Variants in GAA observed in about 807,000 individuals in gnomAD.
GAA encodes lysosomal alpha-glucosidase.
GAA carries 88 observed loss-of-function variants against 103.9 expected under a neutral mutation model. That is an observed-to-expected ratio of 0.85 (90% CI 0.71 to 1.01). GAA has a LOEUF of 1.01. GAA is among the 50% of genes least tolerant of loss of function. The probability of loss-of-function intolerance (pLI) is 0.00; values close to 1 mark genes in which losing one functional copy is unlikely to be tolerated. For synonymous variants in GAA, 572 were observed against 563.1 expected (o/e 1.02, Z -0.22); for missense variants, 1,350 against 1,305.3 (o/e 1.03, Z -0.53).
At position 80,107,658 on chromosome 17, in the gene GAA, G is replaced by A. The variant is rs772002851; in HGVS notation, c.794G>A (p.Ser265Asn). 2.4e-5 allele frequency: 38 copies of A among 1,612,974 alleles called. No homozygotes were observed. In the South Asian group the frequency reaches 3.8e-4, roughly 16 times the overall value. ...ATCACAGGCCTCGCCGAGCACCTCA[G>A]TCCCCTGATGCTCAGCACCAGCTGG... ...QYITGLAEHLSPLMLSTSWTR... is the reference protein window; with the variant it reads ...QYITGLAEHLNPLMLSTSWTR... Residue 265 changes from serine (S) to asparagine (N), a missense_variant, in exon 4 of 20, where the codon AGT (serine) becomes AAT (asparagine). Ser to Asn is a conservative substitution (Grantham distance 46). Transcript: ENST00000302262.
rs1800301 is a variant in GAA at position 80,105,844 on chromosome 17, C to T, written c.642C>T (p.Ser214=). 0.2 allele frequency: 325,017 copies of T among 1,608,148 alleles called. 35,416 individuals are homozygous for T. The highest frequency in any genetic ancestry group is 0.3 in the Middle Eastern group (1,787 of 5,898). Residue 214 remains serine (S), a synonymous_variant, in exon 3 of 20, where the codon TCC becomes TCT. Transcript: ENST00000302262. ...APSPLYSVEF[S]EEPFGVIVRR... is the part of the protein sequence containing the mutation. The stretch of plus-strand genomic sequence containing the variant: ...CCCCACTCTACAGCGTGGAGTTCTC[C>T]GAGGAGCCCTTCGGGGTGATCGTGC...
chr17:80,105,815 C>T lies in GAA; in HGVS notation c.613C>T (p.Pro205Ser). 2 of 1,610,806 alleles carry T rather than the reference C, an allele frequency of 1.2e-6. No individual in the cohort carries two copies. Among genetic ancestry groups the T allele is most frequent in the South Asian group, 2.2e-5 (2 of 91,082 alleles). Reference sequence around the variant, plus strand: ...GACCCCGCATGTCCACAGCCGGGCACCGTCCCCACTCTACAGCGTGGAGTT... The same window carrying T: ...GACCCCGCATGTCCACAGCCGGGCATCGTCCCCACTCTACAGCGTGGAGTT... Reference protein sequence around the residue: ...LETPHVHSRAPSPLYSVEFSE... With the variant: ...LETPHVHSRASSPLYSVEFSE... Residue 205 changes from proline to serine, a missense_variant, in exon 3 of 20, where the codon CCG (proline) becomes TCG (serine). Pro to Ser is a moderately conservative substitution (Grantham distance 74, BLOSUM62 -1). Coordinates refer to ENST00000302262, the MANE Select transcript of GAA (RefSeq NM_000152.5).
At chr17:80,106,742 A>AC (rs1231279023) in intron 3 of GAA, among the ~76,000 whole-genome samples, 1 of 152,040 alleles carries the variant, frequency 6.6e-6, no homozygotes, top group Non-Finnish European at 1.5e-5. Flanking sequence ...ACATAGCAAG[A>AC]CCCCATCTCT....
intron 12 of GAA, chr17:80,112,347 G>A: frequency 1.5e-6 from 1 of 646,050 alleles, no homozygotes; most frequent in Non-Finnish European, 2.7e-6. Context: ...GCATCAGCGG[G>A]GACCTCATGA....
chr17:80,119,550 G>C lies in GAA; in HGVS notation c.*219G>C, dbSNP rs1216535924. ...GAGCTTTCTCCCTAGATCGCACTGT[G>C]GGCCGGGGCCCTGGAGGGCTGCTCT... On this transcript the variant is annotated 3_prime_UTR_variant, in exon 20 of 20. Coordinates refer to ENST00000302262, the MANE Select transcript of GAA (RefSeq NM_000152.5). 1.0e-5 allele frequency: 6 copies of C among 583,862 alleles called. No homozygotes were observed. In the Admixed American group the frequency reaches 1.6e-4, roughly 15 times the overall value. 36.2% of individuals were successfully genotyped at this position (583,862 alleles called of 1,614,324 possible).
In GAA at chr17:80,108,334, G is replaced by T. The variant is rs886042960; in HGVS notation, c.1000G>T (p.Gly334Cys). The stretch of plus-strand genomic sequence containing the variant: ...CCCTGCCCTTAGCTGGAGGTCGACA[G>T]GTGGGATCCTGGATGTCTACATCTT... ...PSPALSWRSTGGILDVYIFLG... is the reference protein window; with the variant it reads ...PSPALSWRSTCGILDVYIFLG... The change falls in exon 6 of 20, where the codon GGT becomes TGT. Residue 334 changes from glycine (G) to cysteine (C), a missense_variant. Transcript: ENST00000302262. 3 of 1,613,732 alleles carry T rather than the reference G, an allele frequency of 1.9e-6. No homozygotes were observed. The highest frequency in any genetic ancestry group is 2.5e-6 in the Non-Finnish European group (3 of 1,180,038).
At chr17:80,118,472 G>A in intron 18 of GAA, 115 bp downstream of exon 18, 4 of 1,458,734 alleles carry the variant, frequency 2.7e-6, no homozygotes, top group Non-Finnish European at 3.8e-6. Context: ...GGACACTCTA[G>A]CAGGTGGCCT....
chr17:80,109,492 G>T (rs1272887941), intron 8 of GAA, among the ~76,000 whole-genome samples: 3 of 152,224 alleles, frequency 2.0e-5, no homozygotes, highest in Non-Finnish European at 4.4e-5. Flanking sequence ...AACAGTTCCT[G>T]CCCGGAAGAT....
Position 80,108,259 on chromosome 17 carries a change from T to C in GAA, c.956-31T>C, listed in dbSNP as rs201713593. ...CAGAGCCCTCCAAGTGAAGAATCTG[T>C]CCCCCAACCCCAGAGCTGCTTCCCT... is the stretch of plus-strand genomic sequence containing the variant. On this transcript the variant is annotated intron_variant, in intron 5 of 19. Transcript: ENST00000302262. The C allele has an allele frequency of 4.7e-4, 753 of 1,613,152 alleles. 3 individuals carry two copies. The African/African-American group carries it at 9.0e-3, about 19-fold the overall frequency.
intron 19 of GAA, 151 bp downstream of exon 19, chr17:80,118,956 C>A (rs1315842161): frequency 1.4e-5 from 14 of 1,000,152 alleles, no homozygotes; most frequent in Non-Finnish European, 2.0e-5. Flanking sequence ...AGGGTCAGGC[C>A]ACACAGGCTG....
intron 9 of GAA, 46 bp from the exon 10 acceptor site, chr17:80,110,681 C>A: frequency 6.5e-7 from 1 of 1,542,252 alleles, no homozygotes; most frequent in Non-Finnish European, 9.0e-7. Flanking sequence ...TCCATGCAGG[C>A]CCTGGGTGGG....
chr17:80,105,030 C>T lies in GAA; in HGVS notation c.444C>T (p.Tyr148=), dbSNP rs886043112. Residue 148 remains tyrosine, a synonymous_variant, in exon 2 of 20, where the codon TAC becomes TAT. Coordinates refer to ENST00000302262, the MANE Select transcript of GAA (RefSeq NM_000152.5). ...LENLSSSEMG[Y]TATLTRTTPT... is the part of the protein sequence containing the mutation. ...ACCTGAGCTCCTCTGAAATGGGCTA[C>T]ACGGCCACCCTGACCCGTACCACCC... The T allele has an allele frequency of 2.5e-6, 4 of 1,612,832 alleles. No homozygotes were observed. Among genetic ancestry groups the T allele is most frequent in the Non-Finnish European group, 3.4e-6 (4 of 1,180,020 alleles).
rs534129336 is a variant in GAA at position 80,113,044 on chromosome 17, G to T, written c.2040+17G>T. On this transcript the variant is annotated intron_variant, in intron 14 of 19. Transcript: ENST00000302262. ...CTCAGTCTGGTAGGGTGGGGGTGGC[G>T]GCATGGCAGGTGGGCGATCCCACCC... The T allele has an allele frequency of 6.2e-7, 1 of 1,603,806 alleles. No homozygotes were observed. The highest frequency in any genetic ancestry group is 1.1e-5 in the South Asian group (1 of 89,776).
rs2039361091 is a variant in GAA at position 80,116,813 on chromosome 17, T to C, written c.2190-155T>C. ...CATTGACTTCTATCTGCTGGAATCA[T>C]CCCTGCCCGTCTGACCTGAGTCCTC... On this transcript the variant is annotated intron_variant, in intron 15 of 19. Transcript: ENST00000302262. 45 of 757,532 alleles carry C rather than the reference T, an allele frequency of 5.9e-5. 1 individual carries two copies. In the South Asian group the frequency reaches 6.6e-4, roughly 11 times the overall value. 46.9% of individuals were successfully genotyped at this position (757,532 alleles called of 1,614,324 possible). A position where few individuals can be genotyped will look rare whatever the true frequency, so the allele number is the denominator to read the frequency against.
chr17:80,110,098 C>T (rs1439272637), intron 9 of GAA, 43 bp downstream of exon 9: 2 of 1,513,464 alleles, frequency 1.3e-6, no homozygotes, highest in Admixed American at 1.7e-5. Context: ...AAGCAGAGGC[C>T]TCCAGCCAGG....
chr17:80,112,475 C>T (rs1345150453), intron 12 of GAA, 103 bp from the exon 13 acceptor site: 33 of 1,450,944 alleles, frequency 2.3e-5, no homozygotes, highest in Non-Finnish European at 3.2e-5. Flanking sequence ...CAGCCTCTGC[C>T]TCATCCCAGA....
rs894306 is a variant in GAA, at chr17:80,108,960, G to A, written c.1326+132G>A. 851,118 of 1,206,564 alleles carry A rather than the reference G, an allele frequency of 0.71. 303,523 individuals are homozygous for A. Among genetic ancestry groups the A allele is most frequent in the Middle Eastern group, 0.79 (2,755 of 3,470 alleles). The allele number at this position is 1,206,564 out of a possible 1,614,324, so 74.7% of individuals were successfully genotyped here. On this transcript the variant is annotated intron_variant, in intron 8 of 19. Coordinates refer to ENST00000302262, the MANE Select transcript of GAA (RefSeq NM_000152.5). ...TTTCTGAGGGTCTTTGTGATATCGA[G>A]GGAATATCAAGAAGTTTGCAGGCTT... is the stretch of plus-strand genomic sequence containing the variant.
At chr17:80,117,872 A>G (rs1487060271) in intron 17 of GAA, 123 bp downstream of exon 17, 1 of 1,029,188 alleles carries the variant, frequency 9.7e-7, no homozygotes, top group Non-Finnish European at 1.4e-6. Flanking sequence ...CCCGCAGTGT[A>G]GGTTATCAAG....
chr17:80,113,256 G>T lies in GAA; in HGVS notation c.2079G>T (p.Gln693His). ...ACAGCTTCAGCGAGCCGGCCCAGCA[G>T]GCCATGAGGAAGGCCCTCACCCTGC... ...EPYSFSEPAQ[Q>H]AMRKALTLRY... Residue 693 changes from glutamine to histidine, a missense_variant, in exon 15 of 20, where the codon CAG (glutamine) becomes CAT (histidine). By Grantham distance (24) the Gln-to-His change is conservative. Transcript: ENST00000302262. 3 of 1,602,116 alleles carry T rather than the reference G, an allele frequency of 1.9e-6. No homozygotes were observed. Among genetic ancestry groups the T allele is most frequent in the Non-Finnish European group, 2.6e-6 (3 of 1,174,962 alleles).
Sources: allele counts gnomAD v4.1 joint callset (sites outside exome capture counted in the v4.1 genomes callset), GRCh38; gene constraint gnomAD v4.1.1; transcripts MANE v1.5; gene names NCBI Gene and HGNC (gene_info 2026-07-23, HGNC 2026-07-21).